GABRA2: variants seen among roughly 807,000 people sequenced by gnomAD.
GABRA2 encodes gamma-aminobutyric acid receptor subunit alpha-2.
GABRA2 carries 16 observed loss-of-function variants against 48.7 expected under a neutral mutation model. That is an observed-to-expected ratio of 0.33 (90% CI 0.22 to 0.50). The LOEUF (loss-of-function observed/expected upper bound fraction) is 0.50, where lower values mean the gene tolerates loss of function less well. Among genes scored for constraint, GABRA2 ranks in the 20% least tolerant of loss-of-function variants. The probability of loss-of-function intolerance (pLI) is 0.98; values close to 1 mark genes in which losing one functional copy is unlikely to be tolerated. For synonymous variants in GABRA2, 185 were observed against 184.5 expected (o/e 1.00, Z -0.02); for missense variants, 275 against 535.6 (o/e 0.51, Z 4.80).
At chr4:46,353,707 T>C (rs780023156) in intron 3 of GABRA2, among the ~76,000 whole-genome samples, 4 of 152,132 alleles carry the variant, frequency 2.6e-5, no homozygotes, top group Non-Finnish European at 5.9e-5. Flanking sequence ...TAAGCCCTCA[T>C]CAAAATCTCA....
At chr4:46,379,657 C>T (rs1446001917) in intron 3 of GABRA2, among the ~76,000 whole-genome samples, 1 of 152,084 alleles carries the variant, frequency 6.6e-6, no homozygotes, top group Admixed American at 6.5e-5. Context: ...CTTTAGGAGA[C>T]CCCAGGAATC....
intron 8 of GABRA2, among the ~76,000 whole-genome samples, chr4:46,290,174 G>A (rs1303774738): frequency 6.6e-6 from 1 of 151,530 alleles, no homozygotes; most frequent in Non-Finnish European, 1.5e-5. Context: ...ATAGTGCTGG[G>A]ATTGCAGACG....
chr4:46,377,005 G>A (rs998744497), intron 3 of GABRA2, among the ~76,000 whole-genome samples: 26 of 152,146 alleles, frequency 1.7e-4, no homozygotes, highest in Non-Finnish European at 3.4e-4. Flanking sequence ...CTGAGGTGCC[G>A]GGATTGCAGA....
intron 3 of GABRA2, among the ~76,000 whole-genome samples, chr4:46,359,208 T>C (rs907818840): frequency 3.3e-5 from 5 of 152,166 alleles, no homozygotes; most frequent in Admixed American, 6.6e-5. Flanking sequence ...ACTCCAAATT[T>C]AGGGAGATAC....
At chr4:46,305,787 ATT>A in intron 6 of GABRA2, 76 bp from the exon 7 acceptor site, 1 of 1,028,962 alleles carries the variant, frequency 9.7e-7, no homozygotes, top group Non-Finnish European at 1.4e-6. Context: ...ACGGTTGTGT[ATT>A]TCATACAATC....
intron 4 of GABRA2, among the ~76,000 whole-genome samples, chr4:46,328,076 G>A (rs1730689082): frequency 6.6e-6 from 1 of 151,986 alleles, no homozygotes; most frequent in Non-Finnish European, 1.5e-5. Flanking sequence ...GTTAGAAATT[G>A]CTAAAATATT....
chr4:46,290,540 A>T (rs1577925996), intron 8 of GABRA2, among the ~76,000 whole-genome samples: 1 of 152,190 alleles, frequency 6.6e-6, no homozygotes, highest in African/African-American at 2.4e-5. Context: ...ATTATAAATG[A>T]TATTATTTTC....
In GABRA2 at chr4:46,247,583, A is replaced by G. The variant is rs1292750613; in HGVS notation, c.*2725T>C. ...GTACATGTATTTATCTACATTTTGT[A>G]CATACCATAACTCTTTATGTCATTG... On this transcript the variant is annotated 3_prime_UTR_variant, in exon 10 of 10. Coordinates refer to ENST00000381620, the MANE Select transcript of GABRA2 (RefSeq NM_000807.4). Among the ~76,000 whole-genome samples, 1 of 151,260 alleles carries G rather than the reference A, an allele frequency of 6.6e-6. No homozygotes were observed. Among genetic ancestry groups the G allele is most frequent in the African/African-American group, 2.4e-5 (1 of 41,348 alleles).
intron 8 of GABRA2, among the ~76,000 whole-genome samples, chr4:46,277,020 A>T (rs1304956070): frequency 6.6e-6 from 1 of 152,106 alleles, no homozygotes; most frequent in African/African-American, 2.4e-5. Context: ...AATCACCAAA[A>T]AACAATTGCA....
chr4:46,268,108 G>T (rs1487734134), intron 8 of GABRA2, among the ~76,000 whole-genome samples: 3 of 151,774 alleles, frequency 2.0e-5, no homozygotes, highest in Non-Finnish European at 4.4e-5. Context: ...TAGAATAAAA[G>T]ATAAAGAAAA....
chr4:46,317,802 A>G (rs1728788916), intron 4 of GABRA2, among the ~76,000 whole-genome samples: 1 of 151,842 alleles, frequency 6.6e-6, no homozygotes, highest in South Asian at 2.1e-4. Context: ...AAAAAAATTT[A>G]TAATTATCAG....
Position 46,340,577 on chromosome 4 carries a change from C to A in GABRA2, c.188-7895G>T, listed in dbSNP as rs146648178. ...ATGCAGATGATCATGAAGCATTTGC[C>A]CTTTTTCTGTTGATATTGGATATTA... On this transcript the variant is annotated intron_variant, in intron 3 of 9. Transcript: ENST00000381620. Among the ~76,000 whole-genome samples, 801 of 151,680 alleles carry A rather than the reference C, an allele frequency of 5.3e-3. 4 individuals carry two copies. The highest frequency in any genetic ancestry group is 0.021 in the South Asian group (101 of 4,782).
intron 8 of GABRA2, among the ~76,000 whole-genome samples, chr4:46,286,250 A>G (rs745383986): frequency 2.6e-5 from 4 of 152,084 alleles, no homozygotes; most frequent in African/African-American, 4.8e-5. Flanking sequence ...TAGAATTTCT[A>G]AGGTTCATCC....
chr4:46,313,296 T>A (rs974606660), intron 4 of GABRA2, among the ~76,000 whole-genome samples: 1 of 151,888 alleles, frequency 6.6e-6, no homozygotes, highest in Non-Finnish European at 1.5e-5. Context: ...CCAAAGAAAC[T>A]GTAAATTATC....
intron 4 of GABRA2, among the ~76,000 whole-genome samples, chr4:46,325,645 T>C (rs1428333972): frequency 6.6e-6 from 1 of 152,038 alleles, no homozygotes; most frequent in Non-Finnish European, 1.5e-5. Flanking sequence ...CATGAAATTG[T>C]TGTCAAGGCC....
intron 8 of GABRA2, among the ~76,000 whole-genome samples, chr4:46,286,741 T>G (rs969446401): frequency 6.6e-6 from 1 of 152,206 alleles, no homozygotes; most frequent in Non-Finnish European, 1.5e-5. Context: ...GTCAGTTGTA[T>G]ACTTCCTTTT....
At chr4:46,262,954 G>GAAGA (rs1560444551) in intron 8 of GABRA2, among the ~76,000 whole-genome samples, 2 of 24,596 alleles carry the variant, frequency 8.1e-5, no homozygotes, top group African/African-American at 4.9e-4. Flanking sequence ...AAGAAAGAAA[G>GAAGA]AAAGAGAGAG....
intron 8 of GABRA2, among the ~76,000 whole-genome samples, chr4:46,264,366 T>C (rs1043421454): frequency 2.0e-5 from 3 of 152,086 alleles, no homozygotes; most frequent in Non-Finnish European, 4.4e-5. Flanking sequence ...TTGAATAGAA[T>C]TGGTGAGAGC....
Position 46,256,344 on chromosome 4 carries a change from A to C in GABRA2, c.1059+5582T>G. Reference sequence around the variant, plus strand: ...ATTGCTTTCACTGAGTTGTATGTTAATGTAATGCCTTCAGCTTTTATTGAA... The same window carrying C: ...ATTGCTTTCACTGAGTTGTATGTTACTGTAATGCCTTCAGCTTTTATTGAA... On this transcript the variant is annotated intron_variant, in intron 9 of 9. Coordinates refer to ENST00000381620, the MANE Select transcript of GABRA2 (RefSeq NM_000807.4). 1.5e-6 allele frequency: 1 copy of C among 683,048 alleles called. No individual in the cohort carries two copies. The highest frequency in any genetic ancestry group is 2.1e-5 in the Admixed American group (1 of 48,554). The allele number at this position is 683,048 out of a possible 1,614,324, so 42.3% of individuals were successfully genotyped here. A position where few individuals can be genotyped will look rare whatever the true frequency, so the allele number is the denominator to read the frequency against.
Sources: allele counts gnomAD v4.1 joint callset (sites outside exome capture counted in the v4.1 genomes callset), GRCh38; gene constraint gnomAD v4.1.1; transcripts MANE v1.5; gene names NCBI Gene and HGNC (gene_info 2026-07-23, HGNC 2026-07-21).